Variants in KIAA1217 observed in about 807,000 individuals in gnomAD.
KIAA1217 encodes the protein KIAA1217, also known as sickle tail protein homolog.
KIAA1217 carries 88 observed loss-of-function variants against 163.9 expected under a neutral mutation model. The observed-to-expected ratio is 0.54, with a 90% CI of 0.45 to 0.64. KIAA1217 has a LOEUF of 0.64. KIAA1217 is among the 30% of genes least tolerant of loss of function. The probability of loss-of-function intolerance (pLI) is 0.00; values close to 1 mark genes in which losing one functional copy is unlikely to be tolerated. For synonymous variants in KIAA1217, 903 were observed against 923.1 expected, an observed-to-expected ratio of 0.98 and a Z score of 0.39; for missense variants, 2,372 against 2,475.0, an observed-to-expected ratio of 0.96 and a Z score of 0.88.
chr10:24,437,389 C>T (rs2060130507), intron 4 of KIAA1217, among the ~76,000 whole-genome samples: 1 of 152,186 alleles, frequency 6.6e-6, no homozygotes, highest in African/African-American at 2.4e-5. Flanking sequence ...AAGACTAGTC[C>T]AAGAATCCTC....
At chr10:24,452,650 C>A (rs1296919611) in intron 5 of KIAA1217, among the ~76,000 whole-genome samples, 4 of 147,282 alleles carry the variant, frequency 2.7e-5, no homozygotes, top group Non-Finnish European at 5.9e-5. Context: ...CCACTGCACT[C>A]CAGCCTGAGT....
chr10:24,239,050 G>C, intron 2 of KIAA1217: 3 of 525,810 alleles, frequency 5.7e-6, no homozygotes, highest in Non-Finnish European at 4.9e-6. Context: ...TCGGCAGGTG[G>C]GGTTAGGGTT....
chr10:24,433,265 T>A (rs1233038082), intron 4 of KIAA1217, 72 bp downstream of exon 4: 2 of 1,238,476 alleles, frequency 1.6e-6, no homozygotes, highest in East Asian at 4.8e-5. Flanking sequence ...TTTTTGTTTT[T>A]GAGGGGTTTT....
chr10:24,518,955 A>G (rs2070651818), intron 10 of KIAA1217, among the ~76,000 whole-genome samples: 1 of 152,210 alleles, frequency 6.6e-6, no homozygotes, highest in Non-Finnish European at 1.5e-5. Context: ...CACTTCTTGC[A>G]GGGGAGGAAT....
intron 6 of KIAA1217, among the ~76,000 whole-genome samples, chr10:24,488,778 G>A (rs995522638): frequency 1.3e-5 from 2 of 152,132 alleles, no homozygotes; most frequent in Non-Finnish European, 2.9e-5. Context: ...ACAAACAAGG[G>A]CATAGCCTCG....
chr10:23,819,101 A>T (rs372024558), intron 1 of KIAA1217, among the ~76,000 whole-genome samples: 27 of 152,342 alleles, frequency 1.8e-4, no homozygotes, highest in African/African-American at 6.3e-4. Flanking sequence ...CAATTGAGGA[A>T]TTGTTGAGCA....
intron 1 of KIAA1217, among the ~76,000 whole-genome samples, chr10:23,733,228 G>A (rs1240870164): frequency 2.0e-5 from 3 of 152,208 alleles, no homozygotes; most frequent in South Asian, 2.1e-4. Flanking sequence ...GGCCAGGCTG[G>A]TCTCGAACTG....
At chr10:24,366,624 TG>T (rs1173094378) in intron 2 of KIAA1217, among the ~76,000 whole-genome samples, 1 of 151,494 alleles carries the variant, frequency 6.6e-6, no homozygotes, top group East Asian at 1.9e-4. Context: ...GTATTCACCT[TG>T]GGTGTGCCCT....
intron 1 of KIAA1217, among the ~76,000 whole-genome samples, chr10:23,761,097 T>G (rs568797154): frequency 2.0e-5 from 3 of 151,776 alleles, no homozygotes; most frequent in African/African-American, 7.3e-5. Flanking sequence ...AAAAAAAAAT[T>G]AAAATGAAAA....
At chr10:24,273,532 G>T (rs2076964585) in intron 2 of KIAA1217, among the ~76,000 whole-genome samples, 1 of 152,038 alleles carries the variant, frequency 6.6e-6, no homozygotes, top group Non-Finnish European at 1.5e-5. Flanking sequence ...ATGCATAACT[G>T]GCCCACGTCA....
chr10:24,326,325 T>G (rs2044884395), intron 2 of KIAA1217, among the ~76,000 whole-genome samples: 1 of 152,074 alleles, frequency 6.6e-6, no homozygotes, highest in Admixed American at 6.6e-5. Flanking sequence ...ACTTAAATCA[T>G]AAAACTTCCA....
rs540726750 is a variant in KIAA1217 at position 23,766,460 on chromosome 10, G to T, written c.-321+71226G>T. 1.2e-4 allele frequency among the ~76,000 whole-genome samples: 19 copies of T among 152,024 alleles called. No homozygotes were observed. The East Asian group carries it at 2.7e-3, about 22-fold the overall frequency. ...GAATGTTCATTTAACAAATATTTAG[G>T]TTTACAAATGTCATTTGACTCTGGA... On this transcript the variant is annotated intron_variant, in intron 1 of 18. Coordinates refer to the KIAA1217 transcript ENST00000376462.
intron 1 of KIAA1217, among the ~76,000 whole-genome samples, chr10:24,006,497 A>C: frequency 6.6e-6 from 1 of 152,166 alleles, no homozygotes; most frequent in Admixed American, 6.5e-5. Flanking sequence ...ATAGTTTCCC[A>C]CAGCATAGAA....
At chr10:24,371,709 A>G (rs1235569229) in intron 2 of KIAA1217, among the ~76,000 whole-genome samples, 1 of 152,066 alleles carries the variant, frequency 6.6e-6, no homozygotes, top group Admixed American at 6.6e-5. Flanking sequence ...TCTTAAACCT[A>G]GAATCCAATC....
chr10:24,119,691 C>T (rs2131773375), intron 2 of KIAA1217, among the ~76,000 whole-genome samples: 1 of 152,286 alleles, frequency 6.6e-6, no homozygotes, highest in Admixed American at 6.5e-5. Flanking sequence ...GGGCTCCTAA[C>T]ATCTACCACC....
intron 1 of KIAA1217, among the ~76,000 whole-genome samples, chr10:23,786,015 CA>C (rs1369042468): frequency 6.6e-6 from 1 of 152,070 alleles, no homozygotes; most frequent in Non-Finnish European, 1.5e-5. Flanking sequence ...AAGTTGCCCT[CA>C]AAAAACTTCC....
intron 2 of KIAA1217, among the ~76,000 whole-genome samples, chr10:24,256,465 G>A (rs529498740): frequency 2.3e-4 from 35 of 152,114 alleles, no homozygotes; most frequent in Non-Finnish European, 4.9e-4. Context: ...AGGTGATAAG[G>A]CTTGCTATCT....
intron 5 of KIAA1217, among the ~76,000 whole-genome samples, chr10:24,449,217 AT>A (rs1179736788): frequency 1.3e-5 from 2 of 152,142 alleles, no homozygotes; most frequent in Non-Finnish European, 2.9e-5. Flanking sequence ...ATAAAGTCTT[AT>A]TTTTTAGAAG....
At chr10:23,730,592 T>A (rs1838420561) in intron 1 of KIAA1217, among the ~76,000 whole-genome samples, 1 of 152,200 alleles carries the variant, frequency 6.6e-6, no homozygotes, top group African/African-American at 2.4e-5. Flanking sequence ...GAAGAACCAA[T>A]GTCTTGACAA....
Sources: allele counts gnomAD v4.1 joint callset (sites outside exome capture counted in the v4.1 genomes callset), GRCh38; gene constraint gnomAD v4.1.1; transcripts MANE v1.5; gene names NCBI Gene and HGNC (gene_info 2026-07-23, HGNC 2026-07-21).